Variants in TBC1D22A observed in about 807,000 individuals in gnomAD.
TBC1D22A encodes TBC1 domain family member 22A, also known as putative GTPase activator.
A neutral mutation model predicts 60.2 loss-of-function variants in TBC1D22A; 38 were observed. That is an observed-to-expected ratio of 0.63 (90% confidence interval 0.49 to 0.83). The LOEUF (loss-of-function observed/expected upper bound fraction) is 0.83, where lower values mean the gene tolerates loss of function less well. TBC1D22A is among the 40% of genes least tolerant of loss of function. TBC1D22A has a pLI of 0.00. For missense variants in TBC1D22A, 628 were observed against 701.0 expected, an observed-to-expected ratio of 0.90 and a Z score of 1.18; for synonymous variants, 302 against 281.7, an observed-to-expected ratio of 1.07 and a Z score of -0.72.
intron 4 of TBC1D22A, among the ~76,000 whole-genome samples, chr22:46,811,011 G>A (rs1474177292): frequency 1.3e-5 from 2 of 152,246 alleles, no homozygotes; most frequent in Non-Finnish European, 2.9e-5. Context: ...AGGCCAGGCT[G>A]TGTGTCAGAG....
At chr22:46,874,776 G>T (rs928681386) in intron 4 of TBC1D22A, among the ~76,000 whole-genome samples, 1 of 151,888 alleles carries the variant, frequency 6.6e-6, no homozygotes, top group African/African-American at 2.4e-5. Flanking sequence ...ATTTCACCAT[G>T]TTGCCCAGGC....
At chr22:47,005,908 A>G (rs888594848) in intron 10 of TBC1D22A, among the ~76,000 whole-genome samples, 2 of 151,538 alleles carry the variant, frequency 1.3e-5, no homozygotes, top group African/African-American at 4.9e-5. Context: ...CTATACACAG[A>G]CACACACCCA....
chr22:47,090,410 C>G (rs2064874957), intron 11 of TBC1D22A, among the ~76,000 whole-genome samples: 1 of 152,262 alleles, frequency 6.6e-6, no homozygotes. Flanking sequence ...TGCTCGTCCC[C>G]TACTGCCACT....
chr22:47,154,718 C>G (rs1290853919), intron 12 of TBC1D22A, among the ~76,000 whole-genome samples: 4 of 152,240 alleles, frequency 2.6e-5, no homozygotes. Context: ...GGCGGCTGCT[C>G]TGGGACATGT....
chr22:47,086,762 C>T (rs148840812), intron 11 of TBC1D22A, among the ~76,000 whole-genome samples: 204 of 152,256 alleles, frequency 1.3e-3, no homozygotes, highest in African/African-American at 4.6e-3. Context: ...GGCAGCAGGG[C>T]GGACACAGGG....
At chr22:46,773,553 C>A (rs2083577587) in intron 1 of TBC1D22A, among the ~76,000 whole-genome samples, 1 of 152,178 alleles carries the variant, frequency 6.6e-6, no homozygotes, top group African/African-American at 2.4e-5. Context: ...TAACCTCTGC[C>A]TCCCGGGTTC....
chr22:47,106,689 A>C (rs2065645591), intron 11 of TBC1D22A, among the ~76,000 whole-genome samples: 1 of 151,174 alleles, frequency 6.6e-6, no homozygotes, highest in Non-Finnish European at 1.5e-5. Flanking sequence ...TGCAAGAAGA[A>C]ATAATGAGGA....
intron 9 of TBC1D22A, among the ~76,000 whole-genome samples, chr22:46,987,406 G>A (rs2074769005): frequency 6.6e-6 from 1 of 152,068 alleles, no homozygotes; most frequent in Non-Finnish European, 1.5e-5. Context: ...TTCTGTACAC[G>A]ATGATGTTAT....
At chr22:47,054,801 C>T (rs984981278) in intron 11 of TBC1D22A, among the ~76,000 whole-genome samples, 5 of 152,154 alleles carry the variant, frequency 3.3e-5, no homozygotes, top group African/African-American at 1.2e-4. Context: ...GGGGCAAGGG[C>T]GAGGGGCTCA....
chr22:46,911,688 T>C (rs58030569), intron 7 of TBC1D22A, among the ~76,000 whole-genome samples: 14,745 of 152,068 alleles, frequency 0.097, 1,439 homozygotes, highest in African/African-American at 0.25. Context: ...GAGGCTGAGG[T>C]GGGTGGATCA....
intron 7 of TBC1D22A, among the ~76,000 whole-genome samples, chr22:46,895,795 T>C (rs917112058): frequency 6.6e-6 from 1 of 152,220 alleles, no homozygotes; most frequent in Admixed American, 6.5e-5. Flanking sequence ...TTTCTGATGT[T>C]TTGCTGTTAG....
Position 46,878,702 on chromosome 22 carries a change from A to G in TBC1D22A, c.687A>G (p.Pro229=). ...SWSGIPKPVR[P]MTWKLLSGYL... is the part of the protein sequence containing the mutation. ...CCGGAATCCCTAAGCCAGTGCGTCC[A>G]ATGACGTGGAAGCTCCTCTCAGTAA... The change falls in exon 5 of 13, where the codon CCA becomes CCG. Residue 229 remains proline (P), a synonymous_variant. Transcript: ENST00000337137. 1 of 1,613,110 alleles carries G rather than the reference A, an allele frequency of 6.2e-7. No individual in the cohort carries two copies. Among genetic ancestry groups the G allele is most frequent in the Non-Finnish European group, 8.5e-7 (1 of 1,179,830 alleles).
chr22:47,154,733 A>G (rs1347892214), intron 12 of TBC1D22A, among the ~76,000 whole-genome samples: 1 of 152,204 alleles, frequency 6.6e-6, no homozygotes, highest in East Asian at 1.9e-4. Flanking sequence ...ACATGTGCCC[A>G]AGGTCCGGGA....
At chr22:46,818,401 A>C (rs984594282) in intron 4 of TBC1D22A, among the ~76,000 whole-genome samples, 2 of 152,168 alleles carry the variant, frequency 1.3e-5, no homozygotes, top group African/African-American at 2.4e-5. Flanking sequence ...GTAAGTCTTT[A>C]AGCCATCTTG....
chr22:47,058,611 C>T (rs1049002438), intron 11 of TBC1D22A, among the ~76,000 whole-genome samples: 2 of 151,994 alleles, frequency 1.3e-5, no homozygotes, highest in African/African-American at 2.4e-5. Context: ...TTCCGAGTTA[C>T]ACATTATCAT....
At chr22:46,992,831 G>T (rs916151668) in intron 9 of TBC1D22A, among the ~76,000 whole-genome samples, 4 of 147,884 alleles carry the variant, frequency 2.7e-5, no homozygotes, top group African/African-American at 1.0e-4. Flanking sequence ...GTGGCCAGGG[G>T]CCCCCGAGAG....
chr22:46,887,839 G>A (rs779353304), intron 5 of TBC1D22A, among the ~76,000 whole-genome samples: 17 of 152,206 alleles, frequency 1.1e-4, no homozygotes, highest in Non-Finnish European at 2.2e-4. Flanking sequence ...TTAAAAAGAA[G>A]TTTCAGTGGT....
rs1308645344 is a variant in TBC1D22A at position 47,173,873 on chromosome 22, A to C, written c.*247A>C. 3 of 482,014 alleles carry C rather than the reference A, an allele frequency of 6.2e-6. No homozygotes were observed. Among genetic ancestry groups the C allele is most frequent in the Non-Finnish European group, 1.1e-5 (3 of 274,844 alleles). 29.9% of individuals were successfully genotyped at this position (482,014 alleles called of 1,614,324 possible). A position where few individuals can be genotyped will look rare whatever the true frequency, so the allele number is the denominator to read the frequency against. On this transcript the variant is annotated 3_prime_UTR_variant, in exon 13 of 13. Coordinates refer to ENST00000337137, the MANE Select transcript of TBC1D22A (RefSeq NM_014346.5). ...GGCCCCGGGTTCGGCGGCCAGAGGCAGGTCAGGGGTCCCCTCTCCCTCTCC... is the reference window on the plus strand; with the variant it reads ...GGCCCCGGGTTCGGCGGCCAGAGGCCGGTCAGGGGTCCCCTCTCCCTCTCC...
chr22:46,954,713 G>T (rs767430168), intron 8 of TBC1D22A, among the ~76,000 whole-genome samples: 26 of 152,176 alleles, frequency 1.7e-4, no homozygotes, highest in Non-Finnish European at 2.6e-4. Flanking sequence ...GAGTGAAATG[G>T]GTCATCTACC....
Sources: gnomAD v4.1 joint callset for allele counts (sites outside exome capture counted in the v4.1 genomes callset) on GRCh38, gnomAD v4.1.1 for gene constraint, MANE v1.5 for transcripts, NCBI Gene and HGNC (gene_info 2026-07-23, HGNC 2026-07-21) for gene names.